The following HS3ST4 variants were observed in gnomAD, a reference collection of about 807,000 sequenced individuals.
The protein encoded by HS3ST4 is heparan sulfate-glucosamine 3-sulfotransferase 4, also known as heparan sulfate glucosamine 3-O-sulfotransferase 4.
In HS3ST4, 17 loss-of-function variants were observed where a neutral mutation model predicts 29.2. That is an observed-to-expected ratio of 0.58 (90% CI 0.40 to 0.87). HS3ST4 has a LOEUF of 0.87. Ranked by LOEUF, HS3ST4 falls within the 40% of genes least tolerant of loss-of-function variation. The pLI is 0.00. For missense variants in HS3ST4, 627 were observed against 634.5 expected, an observed-to-expected ratio of 0.99 and a Z score of 0.13; for synonymous variants, 314 against 285.7, an observed-to-expected ratio of 1.10 and a Z score of -1.00.
chr16:25,823,929 A>T (rs1250340288), intron 1 of HS3ST4, among the ~76,000 whole-genome samples: 1 of 152,208 alleles, frequency 6.6e-6, no homozygotes, highest in Admixed American at 6.5e-5. Flanking sequence ...TCAGAAAGTA[A>T]TAAAATTTGC....
At chr16:25,723,485 G>T (rs1399772337) in intron 1 of HS3ST4, among the ~76,000 whole-genome samples, 1 of 152,084 alleles carries the variant, frequency 6.6e-6, no homozygotes, top group East Asian at 1.9e-4. Context: ...CAGGGTTCTA[G>T]GAATACACAA....
intron 1 of HS3ST4, among the ~76,000 whole-genome samples, chr16:25,790,050 G>A (rs1303712772): frequency 6.6e-6 from 1 of 152,118 alleles, no homozygotes; most frequent in South Asian, 2.1e-4. Flanking sequence ...CTTTAGGATG[G>A]TATATACACA....
chr16:25,873,540 TTCTC>T (rs149179800), intron 1 of HS3ST4, among the ~76,000 whole-genome samples: 1 of 137,470 alleles, frequency 7.3e-6, no homozygotes, highest in East Asian at 2.2e-4. Flanking sequence ...CTATCTATCT[TTCTC>T]TATCTATCTG....
Position 26,045,490 on chromosome 16 carries a change from G to A in HS3ST4, c.735-90122G>A, listed in dbSNP as rs1898252926. ...GGAAATACTAATTTAGTTGAATGTA[G>A]CACTAGAACTCGCAGTACATAAGAA... On this transcript the variant is annotated intron_variant, in intron 1 of 1. Transcript: ENST00000331351. Among the ~76,000 whole-genome samples, 4 of 152,196 alleles carry A rather than the reference G, an allele frequency of 2.6e-5. No homozygotes were observed. In the South Asian group the frequency reaches 8.3e-4, roughly 32 times the overall value.
chr16:25,983,233 C>T (rs2141723658), intron 1 of HS3ST4, among the ~76,000 whole-genome samples: 1 of 152,304 alleles, frequency 6.6e-6, no homozygotes, highest in African/African-American at 2.4e-5. Context: ...ACTTCTATTC[C>T]AGATCTAGCA....
At chr16:26,032,476 A>T in intron 1 of HS3ST4, 1 of 1,058,002 alleles carries the variant, frequency 9.5e-7, no homozygotes, top group Non-Finnish European at 1.4e-6. Flanking sequence ...AAAACTTGAT[A>T]AAAAATAGTA....
chr16:26,033,514 CA>C (rs112569573), intron 1 of HS3ST4, among the ~76,000 whole-genome samples: 64,948 of 113,166 alleles, frequency 0.57, 15,449 homozygotes, highest in South Asian at 0.72. Flanking sequence ...GACTCTGTCT[CA>C]AAAAAAAAAA....
chr16:25,967,135 A>G lies in HS3ST4; in HGVS notation c.735-168477A>G, dbSNP rs560524544. ...GAGAACCACTGATCCAATGCAAGAC[A>G]TGTATTCTATAATTCTTTGTTTTTT... On this transcript the variant is annotated intron_variant, in intron 1 of 1. Transcript: ENST00000331351. 7.2e-5 allele frequency among the ~76,000 whole-genome samples: 11 copies of G among 152,262 alleles called. No individual in the cohort carries two copies. In the East Asian group the frequency reaches 1.9e-3, roughly 27 times the overall value.
chr16:25,819,619 G>A (rs1017304268), intron 1 of HS3ST4, among the ~76,000 whole-genome samples: 4 of 152,098 alleles, frequency 2.6e-5, no homozygotes, highest in Admixed American at 1.3e-4. Context: ...TGTCAACTCC[G>A]CTAGACACGT....
intron 1 of HS3ST4, among the ~76,000 whole-genome samples, chr16:26,128,276 G>C (rs1899372487): frequency 6.6e-6 from 1 of 152,190 alleles, no homozygotes; most frequent in Non-Finnish European, 1.5e-5. Context: ...GAAGGGCAGG[G>C]ACCATGCCTG....
chr16:25,848,533 A>G (rs746560497), intron 1 of HS3ST4, among the ~76,000 whole-genome samples: 6 of 151,650 alleles, frequency 4.0e-5, no homozygotes, highest in Non-Finnish European at 7.4e-5. Context: ...ATAATGATCC[A>G]TTTAATCTAG....
intron 1 of HS3ST4, among the ~76,000 whole-genome samples, chr16:25,878,345 C>A (rs1449846345): frequency 6.6e-6 from 1 of 152,154 alleles, no homozygotes; most frequent in African/African-American, 2.4e-5. Flanking sequence ...TTCCCAGATT[C>A]TTTAACCACC....
intron 1 of HS3ST4, among the ~76,000 whole-genome samples, chr16:25,943,880 G>C (rs763025781): frequency 7.9e-5 from 12 of 152,050 alleles, no homozygotes; most frequent in Non-Finnish European, 1.6e-4. Flanking sequence ...ATCCTTATCT[G>C]CTTGGCATTT....
chr16:25,757,990 T>C (rs1966767570), intron 1 of HS3ST4, among the ~76,000 whole-genome samples: 1 of 152,124 alleles, frequency 6.6e-6, no homozygotes, highest in Admixed American at 6.5e-5. Context: ...ACACAATCCC[T>C]GTGTGTGCCT....
chr16:25,888,014 G>T (rs752289749), intron 1 of HS3ST4, among the ~76,000 whole-genome samples: 1 of 152,048 alleles, frequency 6.6e-6, no homozygotes, highest in Admixed American at 6.6e-5. Flanking sequence ...CTTGATTTGG[G>T]GTGTGTATCC....
intron 1 of HS3ST4, among the ~76,000 whole-genome samples, chr16:25,987,218 C>A (rs1466426352): frequency 6.6e-6 from 1 of 152,106 alleles, no homozygotes; most frequent in African/African-American, 2.4e-5. Context: ...GGTGTGGTGG[C>A]ACATGCCTGT....
chr16:25,789,920 G>A (rs948506595), intron 1 of HS3ST4, among the ~76,000 whole-genome samples: 1 of 152,184 alleles, frequency 6.6e-6, no homozygotes, highest in South Asian at 2.1e-4. Flanking sequence ...TCACCATGTA[G>A]TATTCCACTG....
chr16:25,709,316 G>T (rs1324125694), intron 1 of HS3ST4, among the ~76,000 whole-genome samples: 1 of 152,094 alleles, frequency 6.6e-6, no homozygotes, highest in Non-Finnish European at 1.5e-5. Context: ...GTTCTTAGGG[G>T]TCGTGCACAC....
At chr16:26,111,998 A>T (rs904019893) in intron 1 of HS3ST4, among the ~76,000 whole-genome samples, 2 of 144,128 alleles carry the variant, frequency 1.4e-5, no homozygotes, top group Non-Finnish European at 3.0e-5. Context: ...GCCCGGCGAC[A>T]GAGTGAGACT....
Sources: gnomAD v4.1 joint callset for allele counts (sites outside exome capture counted in the v4.1 genomes callset) on GRCh38, gnomAD v4.1.1 for gene constraint, MANE v1.5 for transcripts, NCBI Gene and HGNC (gene_info 2026-07-23, HGNC 2026-07-21) for gene names.